Variants in ERC2 observed in about 807,000 individuals in gnomAD.
ERC2 encodes ERC protein 2.
In ERC2, 42 loss-of-function variants were observed where a neutral mutation model predicts 114.8. That is an observed-to-expected ratio of 0.37 (90% confidence interval 0.29 to 0.47). The LOEUF is 0.47. ERC2 is among the 20% of genes least tolerant of loss of function. ERC2 has a pLI of 0.99. For missense variants in ERC2, 939 were observed against 1,150.7 expected (o/e 0.82, Z 2.66); for synonymous variants, 454 against 425.5 (o/e 1.07, Z -0.82).
chr3:55,687,136 C>T (rs974300677), intron 16 of ERC2, among the ~76,000 whole-genome samples: 4 of 152,264 alleles, frequency 2.6e-5, no homozygotes, highest in African/African-American at 7.2e-5. Flanking sequence ...AATTCCTCAC[C>T]GATGGGCTGC....
chr3:55,601,980 C>T (rs951267781), intron 17 of ERC2, among the ~76,000 whole-genome samples: 2 of 152,214 alleles, frequency 1.3e-5, no homozygotes, highest in Non-Finnish European at 2.9e-5. Context: ...TGTGTTTTGG[C>T]TGCACAGTGA....
At chr3:56,145,583 C>T (rs1358867041) in intron 5 of ERC2, among the ~76,000 whole-genome samples, 5 of 152,138 alleles carry the variant, frequency 3.3e-5, no homozygotes, top group African/African-American at 1.2e-4. Context: ...GAGAGTTACA[C>T]ATCTGAGATC....
chr3:56,153,529 C>T (rs139791544), intron 4 of ERC2, among the ~76,000 whole-genome samples: 289 of 152,226 alleles, frequency 1.9e-3, no homozygotes, highest in African/African-American at 6.7e-3. Flanking sequence ...TTTAGAAAAA[C>T]ATGAATCTAG....
In ERC2 at chr3:56,216,562, G is replaced by C. The variant is rs1214696249; in HGVS notation, c.1075-43042C>G. On this transcript the variant is annotated intron_variant, in intron 3 of 17. Coordinates refer to ENST00000288221, the MANE Select transcript of ERC2 (RefSeq NM_015576.3). ...GATTCACAGCCGAATTCTACCAGAGGTATAAGGAGGAACTGGTACCATTCC... is the reference window on the plus strand; with the variant it reads ...GATTCACAGCCGAATTCTACCAGAGCTATAAGGAGGAACTGGTACCATTCC... 5.9e-5 allele frequency among the ~76,000 whole-genome samples: 9 copies of C among 152,214 alleles called. No homozygotes were observed. In the South Asian group the frequency reaches 1.7e-3, roughly 28 times the overall value.
intron 2 of ERC2, among the ~76,000 whole-genome samples, chr3:56,322,112 A>T (rs1049961664): frequency 6.6e-6 from 1 of 152,194 alleles, no homozygotes; most frequent in African/African-American, 2.4e-5. Context: ...CAGTTTCCTC[A>T]TTTGTAAAAT....
At chr3:55,565,692 C>T (rs755169439) in intron 17 of ERC2, among the ~76,000 whole-genome samples, 3 of 152,134 alleles carry the variant, frequency 2.0e-5, no homozygotes, top group African/African-American at 7.2e-5. Flanking sequence ...CAGGCTTGGC[C>T]GTAAGTCACT....
At chr3:55,992,827 G>A (rs2071186185) in intron 10 of ERC2, among the ~76,000 whole-genome samples, 1 of 152,174 alleles carries the variant, frequency 6.6e-6, no homozygotes, top group South Asian at 2.1e-4. Context: ...GGGCTTTCCA[G>A]CTAACAGTTA....
intron 15 of ERC2, among the ~76,000 whole-genome samples, chr3:55,718,498 C>G (rs1328687575): frequency 1.3e-5 from 2 of 152,170 alleles, no homozygotes; most frequent in Non-Finnish European, 2.9e-5. Context: ...AACCTATTAT[C>G]AAGTATATTT....
Position 55,854,041 on chromosome 3 carries a change from G to A in ERC2, c.2564+34348C>T, listed in dbSNP as rs1244183332. On this transcript the variant is annotated intron_variant, in intron 14 of 17. Transcript: ENST00000288221. ...TGTAATCCCAGCACTTTGGGAGACC[G>A]AGGAGGGCCGATCACCTGAGGTAAG... Among the ~76,000 whole-genome samples the A allele has an allele frequency of 4.6e-5, 7 of 152,284 alleles. 1 individual carries two copies. Among genetic ancestry groups the A allele is most frequent in the East Asian group, 3.9e-4 (2 of 5,186 alleles).
intron 2 of ERC2, among the ~76,000 whole-genome samples, chr3:56,323,779 C>A (rs879007690): frequency 6.6e-6 from 1 of 152,182 alleles, no homozygotes; most frequent in Admixed American, 6.5e-5. Context: ...GAGTCACAGC[C>A]TTCCTCATTC....
intron 14 of ERC2, among the ~76,000 whole-genome samples, chr3:55,847,044 A>G (rs983969671): frequency 1.3e-5 from 2 of 152,234 alleles, no homozygotes; most frequent in Non-Finnish European, 2.9e-5. Context: ...TCAAAAAGGC[A>G]AATGTACATA....
At chr3:56,181,487 T>TA (rs1425186379) in intron 3 of ERC2, among the ~76,000 whole-genome samples, 1 of 152,222 alleles carries the variant, frequency 6.6e-6, no homozygotes, top group Non-Finnish European at 1.5e-5. Flanking sequence ...TGAAAATAGT[T>TA]ACGATCTGGC....
chr3:56,081,083 C>T (rs2149757650), intron 6 of ERC2, 99 bp from the exon 7 acceptor site: 1 of 1,282,594 alleles, frequency 7.8e-7, no homozygotes. Flanking sequence ...AGCATGTTTA[C>T]TGAGCAAGGC....
At chr3:56,367,774 T>C (rs551896562) in intron 2 of ERC2, among the ~76,000 whole-genome samples, 5 of 152,086 alleles carry the variant, frequency 3.3e-5, no homozygotes, top group South Asian at 4.1e-4. Context: ...CAAAAGCTAA[T>C]TGGACTATCC....
intron 8 of ERC2, among the ~76,000 whole-genome samples, chr3:56,011,961 G>A (rs141764724): frequency 2.9e-4 from 44 of 152,172 alleles, no homozygotes; most frequent in African/African-American, 9.9e-4. Flanking sequence ...TGCTTTCAGC[G>A]GAGGAGGTAC....
chr3:55,656,932 T>C (rs1313370139), intron 17 of ERC2, among the ~76,000 whole-genome samples: 2 of 152,116 alleles, frequency 1.3e-5, no homozygotes, highest in South Asian at 2.1e-4. Context: ...TTGGTTGAAG[T>C]AGTCATGTAA....
At chr3:55,748,453 A>G (rs1293693800) in intron 14 of ERC2, among the ~76,000 whole-genome samples, 1 of 152,184 alleles carries the variant, frequency 6.6e-6, no homozygotes, top group Non-Finnish European at 1.5e-5. Flanking sequence ...AGAGACTGCT[A>G]CCACAGCAGA....
intron 17 of ERC2, among the ~76,000 whole-genome samples, chr3:55,549,369 C>A (rs796103407): frequency 6.6e-6 from 1 of 152,126 alleles, no homozygotes; most frequent in Non-Finnish European, 1.5e-5. Flanking sequence ...CCACTGGGGA[C>A]CCTGAGGCCT....
intron 3 of ERC2, among the ~76,000 whole-genome samples, chr3:56,182,352 C>A (rs1452216): frequency 0.45 from 68,494 of 151,968 alleles, 15,672 homozygotes; most frequent in Middle Eastern, 0.53. Flanking sequence ...CAACAGTAGG[C>A]GCTCAACAAA....
Sources: gnomAD v4.1 joint callset for allele counts (sites outside exome capture counted in the v4.1 genomes callset) on GRCh38, gnomAD v4.1.1 for gene constraint, MANE v1.5 for transcripts, NCBI Gene and HGNC (gene_info 2026-07-23, HGNC 2026-07-21) for gene names.